LRP2BP: variants seen among roughly 807,000 people sequenced by gnomAD.
LRP2BP encodes the protein LRP2 binding protein, also known as LRP2-binding protein.
A neutral mutation model predicts 45.2 loss-of-function variants in LRP2BP; 38 were observed. The observed-to-expected ratio is 0.84, with a 90% CI of 0.65 to 1.10. LRP2BP has a LOEUF of 1.10. Ranked by LOEUF, LRP2BP falls within the 50% of genes least tolerant of loss-of-function variation. The probability of loss-of-function intolerance (pLI) is 0.00; values close to 1 mark genes in which losing one functional copy is unlikely to be tolerated. For synonymous variants in LRP2BP, 153 were observed against 153.9 expected (o/e 0.99, Z 0.04); for missense variants, 385 against 418.9 (o/e 0.92, Z 0.71).
rs28685090 is a variant in LRP2BP, at chr4:185,365,596, T to C, written c.*1584A>G. 0.14 allele frequency: 20,610 copies of C among 150,572 alleles called. 2,572 individuals are homozygous for C. The highest frequency in any genetic ancestry group is 0.33 in the African/African-American group (13,426 of 40,826). 9.3% of individuals were successfully genotyped at this position (150,572 alleles called of 1,614,324 possible). A position where few individuals can be genotyped will look rare whatever the true frequency, so the allele number is the denominator to read the frequency against. On this transcript the variant is annotated 3_prime_UTR_variant, in exon 9 of 9. Transcript: ENST00000505916. ...GTCTCAAACTCCTGACCTCATGATC[T>C]GCCCGCCTCAGCCTCCCAAAGTGCT... is the stretch of plus-strand genomic sequence containing the variant.
chr4:185,388,314 T>G (rs1351566443), intron 1 of LRP2BP, among the ~76,000 whole-genome samples: 5 of 152,096 alleles, frequency 3.3e-5, no homozygotes, highest in Non-Finnish European at 5.9e-5. Flanking sequence ...ACAAGCAACA[T>G]CTCATCCTTA....
At chr4:185,378,319 C>T in intron 1 of LRP2BP, 112 bp from the exon 2 acceptor site, 1 of 1,466,160 alleles carries the variant, frequency 6.8e-7, no homozygotes, top group Non-Finnish European at 9.0e-7. Context: ...TCTCTCATCG[C>T]CTAGATAGAA....
At chr4:185,369,242 T>C (rs957913954) in intron 8 of LRP2BP, among the ~76,000 whole-genome samples, 4 of 148,970 alleles carry the variant, frequency 2.7e-5, no homozygotes, top group Non-Finnish European at 6.0e-5. Flanking sequence ...TTTTTTTTTT[T>C]TTTTTTGAGA....
In LRP2BP at chr4:185,387,405, G is replaced by A. The variant is rs368717612; in HGVS notation, c.-22+7374C>T. 9.8e-5 allele frequency among the ~76,000 whole-genome samples: 15 copies of A among 152,292 alleles called. No homozygotes were observed. The South Asian group carries it at 2.1e-3, about 21-fold the overall frequency. On this transcript the variant is annotated intron_variant, in intron 1 of 8. Coordinates refer to ENST00000505916, the MANE Select transcript of LRP2BP (RefSeq NM_001377440.1). The stretch of plus-strand genomic sequence containing the variant: ...CACATGTACACCCTACTGCAGAACC[G>A]CCTGGGCATGGTCTAGAATTGCACC...
chr4:185,371,405 G>A (rs1015134839), intron 7 of LRP2BP, among the ~76,000 whole-genome samples: 2 of 152,052 alleles, frequency 1.3e-5, no homozygotes, highest in African/African-American at 4.8e-5. Flanking sequence ...AGCTGGGCAT[G>A]GTAGCGGGTG....
At chr4:185,376,660 G>A (rs934974660) in intron 3 of LRP2BP, among the ~76,000 whole-genome samples, 1 of 152,008 alleles carries the variant, frequency 6.6e-6, no homozygotes. Flanking sequence ...TTAATCTATA[G>A]TGTGAAATGG....
chr4:185,387,661 A>C (rs1384802632), intron 1 of LRP2BP, among the ~76,000 whole-genome samples: 1 of 152,286 alleles, frequency 6.6e-6, no homozygotes, highest in East Asian at 1.9e-4. Flanking sequence ...TATTGTGGTG[A>C]GGTTACAAAC....
upstream of LRP2BP, chr4:185,397,020 T>G (rs909188096): frequency 6.2e-7 from 1 of 1,610,822 alleles, no homozygotes; most frequent in Non-Finnish European, 8.5e-7. Flanking sequence ...GTCTTCTCGT[T>G]AATGCGGGGA....
At chr4:185,389,580 T>C (rs1488419313) in intron 1 of LRP2BP, among the ~76,000 whole-genome samples, 1 of 150,760 alleles carries the variant, frequency 6.6e-6, no homozygotes, top group East Asian at 2.0e-4. Context: ...AGTATATATC[T>C]AGTATTCTAC....
intron 7 of LRP2BP, 107 bp downstream of exon 7, chr4:185,372,749 G>T: frequency 1.1e-6 from 1 of 898,714 alleles, no homozygotes; most frequent in Non-Finnish European, 1.7e-6. Context: ...GGAGGTTGCA[G>T]CCCTCTCCTG....
chr4:185,383,556 C>G (rs959835639), intron 1 of LRP2BP, among the ~76,000 whole-genome samples: 3 of 152,142 alleles, frequency 2.0e-5, no homozygotes, highest in African/African-American at 7.2e-5. Context: ...GTGCAGAAAA[C>G]AGTTACCACG....
In LRP2BP at chr4:185,395,057, T is replaced by C. The variant is rs2095498225; in HGVS notation, c.-300A>G. On this transcript the variant is annotated 5_prime_UTR_variant, in exon 1 of 9. Coordinates refer to ENST00000505916, the MANE Select transcript of LRP2BP (RefSeq NM_001377440.1). ...AGTTTATAGTTTCTAGGCCCATTAC[T>C]AAAGTCAAGTCAGATATCCAGCTGA... The C allele has an allele frequency of 1.0e-6, 1 of 984,114 alleles. No individual in the cohort carries two copies. The highest frequency in any genetic ancestry group is 1.2e-6 in the Non-Finnish European group (1 of 829,724). 61.0% of individuals were successfully genotyped at this position (984,114 alleles called of 1,614,324 possible). A position where few individuals can be genotyped will look rare whatever the true frequency, so the allele number is the denominator to read the frequency against.
At chr4:185,376,229 G>A (rs1356768266) in intron 3 of LRP2BP, among the ~76,000 whole-genome samples, 2 of 152,136 alleles carry the variant, frequency 1.3e-5, no homozygotes, top group Non-Finnish European at 2.9e-5. Flanking sequence ...CTAAGTACTA[G>A]ATAAAAATCA....
chr4:185,395,962 T>G (rs551486756), upstream of LRP2BP: 2 of 954,376 alleles, frequency 2.1e-6, no homozygotes, highest in Non-Finnish European at 2.5e-6. Flanking sequence ...CCATCGGAAG[T>G]CAGGTCATGT....
chr4:185,371,012 T>A, intron 7 of LRP2BP, 198 bp from the exon 8 acceptor site: 1 of 529,048 alleles, frequency 1.9e-6, no homozygotes, highest in South Asian at 2.8e-5. Flanking sequence ...AGTGGTGACT[T>A]CACATGTCTC....
chr4:185,397,280 C>T (rs985063708), upstream of LRP2BP: 2 of 1,614,022 alleles, frequency 1.2e-6, no homozygotes, highest in African/African-American at 1.3e-5. Context: ...CAGCTGCAAA[C>T]GGGCGCTGAC....
chr4:185,395,520 C>T lies in LRP2BP; in HGVS notation c.-763G>A, dbSNP rs1441100099. The T allele has an allele frequency of 1.0e-6, 1 of 984,780 alleles. No individual in the cohort carries two copies. Among genetic ancestry groups the T allele is most frequent in the African/African-American group, 1.7e-5 (1 of 57,164 alleles). The allele number at this position is 984,780 out of a possible 1,614,324, so 61.0% of individuals were successfully genotyped here. ...TCTGACAACAGTATCTCTACACTGCCGTTCTTTAAACATCATTAAAAGATA... is the reference window on the plus strand; with the variant it reads ...TCTGACAACAGTATCTCTACACTGCTGTTCTTTAAACATCATTAAAAGATA... On this transcript the variant is annotated 5_prime_UTR_variant, in exon 1 of 9. Transcript: ENST00000505916.
At chr4:185,376,842 A>C in intron 3 of LRP2BP, 67 bp downstream of exon 3, 1 of 1,118,818 alleles carries the variant, frequency 8.9e-7, no homozygotes, top group Non-Finnish European at 1.3e-6. Context: ...ACTCTACATG[A>C]AATTTTTGTC....
At chr4:185,391,937 T>C (rs1332271261) in intron 1 of LRP2BP, among the ~76,000 whole-genome samples, 2 of 152,238 alleles carry the variant, frequency 1.3e-5, no homozygotes, top group Non-Finnish European at 2.9e-5. Flanking sequence ...TTATTTCTGC[T>C]TCTATCCATC....
Sources: gnomAD v4.1 joint callset for allele counts (sites outside exome capture counted in the v4.1 genomes callset) on GRCh38, gnomAD v4.1.1 for gene constraint, MANE v1.5 for transcripts, NCBI Gene and HGNC (gene_info 2026-07-23, HGNC 2026-07-21) for gene names.